Variants in MRAS observed in about 807,000 individuals in gnomAD.
MRAS encodes the protein muscle RAS oncogene homolog.
In MRAS, 4 loss-of-function variants were observed where a neutral mutation model predicts 20.9. The observed-to-expected ratio is 0.19, with a 90% CI of 0.09 to 0.44. MRAS has a LOEUF of 0.44. MRAS is among the 20% of genes least tolerant of loss of function. The probability of loss-of-function intolerance (pLI) is 0.99; values close to 1 mark genes in which losing one functional copy is unlikely to be tolerated. For synonymous variants in MRAS, 98 were observed against 102.9 expected (o/e 0.95, Z 0.29); for missense variants, 154 against 277.5 (o/e 0.56, Z 3.16).
At chr3:138,392,524 G>A (rs140212957) in intron 2 of MRAS, among the ~76,000 whole-genome samples, 17 of 152,186 alleles carry the variant, frequency 1.1e-4, no homozygotes, top group Admixed American at 6.5e-4. Flanking sequence ...GTCCACATAC[G>A]TGTTTAAGCA....
At position 138,393,716 on chromosome 3, in the gene MRAS, C is replaced by G. The variant is rs1347479865; in HGVS notation, c.194-3608C>G. 2.0e-5 allele frequency among the ~76,000 whole-genome samples: 3 copies of G among 151,326 alleles called. No homozygotes were observed. In the East Asian group the frequency reaches 5.8e-4, roughly 29 times the overall value. On this transcript the variant is annotated intron_variant, in intron 2 of 5. Coordinates refer to ENST00000423968, the MANE Select transcript of MRAS (RefSeq NM_001085049.3). Reference sequence around the variant, plus strand: ...TTTTTCTTTTTTTTTTGAGACAGAGCTTCGCTCTTGTTGCCTAGGCTGGAG... The same window carrying G: ...TTTTTCTTTTTTTTTTGAGACAGAGGTTCGCTCTTGTTGCCTAGGCTGGAG...
intron 1 of MRAS, among the ~76,000 whole-genome samples, chr3:138,354,378 C>T (rs2054288475): frequency 6.6e-6 from 1 of 152,230 alleles, no homozygotes; most frequent in African/African-American, 2.4e-5. Flanking sequence ...GACCACTCAT[C>T]CTTTGCCCTG....
At chr3:138,396,620 G>A (rs142009758) in intron 2 of MRAS, among the ~76,000 whole-genome samples, 43 of 152,340 alleles carry the variant, frequency 2.8e-4, no homozygotes, top group Middle Eastern at 3.4e-3. Context: ...GAAGGAGGCT[G>A]GAGGAAGGTG....
chr3:138,387,106 A>G (rs1431213826), intron 2 of MRAS, among the ~76,000 whole-genome samples: 1 of 152,138 alleles, frequency 6.6e-6, no homozygotes, highest in African/African-American at 2.4e-5. Context: ...TGAGAGTGCA[A>G]GCTTGGCAAA....
intron 2 of MRAS, among the ~76,000 whole-genome samples, chr3:138,374,238 A>AT (rs2054736427): frequency 6.6e-6 from 1 of 152,114 alleles, no homozygotes; most frequent in Admixed American, 6.5e-5. Flanking sequence ...AACTGCTGGG[A>AT]TTACAGGCAT....
At chr3:138,394,730 A>G (rs776084627) in intron 2 of MRAS, among the ~76,000 whole-genome samples, 43 of 152,268 alleles carry the variant, frequency 2.8e-4, no homozygotes, top group Non-Finnish European at 2.5e-4. Flanking sequence ...ATCTGGGATC[A>G]CTATTCCCCT....
In MRAS at chr3:138,405,450, G is replaced by T. The variant is rs1259451678; in HGVS notation, c.*3181G>T. ...TGTCGTGAAACGAGTGATGCCTGAA[G>T]ATCTCAGTGATGTTTGAACCTTCTG... On this transcript the variant is annotated 3_prime_UTR_variant, in exon 6 of 6. Transcript: ENST00000423968. 1 of 152,706 alleles carries T rather than the reference G, an allele frequency of 6.5e-6. No homozygotes were observed. The highest frequency in any genetic ancestry group is 1.5e-5 in the Non-Finnish European group (1 of 68,058). 9.5% of individuals were successfully genotyped at this position (152,706 alleles called of 1,614,324 possible).
intron 2 of MRAS, among the ~76,000 whole-genome samples, chr3:138,394,737 C>A (rs1288542903): frequency 6.6e-6 from 1 of 152,184 alleles, no homozygotes; most frequent in Non-Finnish European, 1.5e-5. Flanking sequence ...ATCACTATTC[C>A]CCTAGACGCT....
At chr3:138,397,501 G>A (rs763014668) in intron 3 of MRAS, 24 bp downstream of exon 3, 16 of 1,613,002 alleles carry the variant, frequency 9.9e-6, no homozygotes, top group South Asian at 1.1e-5. Flanking sequence ...ACAGGTGAGA[G>A]TACCGGGAAG....
intron 2 of MRAS, among the ~76,000 whole-genome samples, chr3:138,390,976 A>G (rs2108550448): frequency 6.6e-6 from 1 of 152,376 alleles, no homozygotes; most frequent in Admixed American, 6.5e-5. Context: ...AGCTGTATCC[A>G]TAGTCAGAGG....
chr3:138,362,442 C>A (rs1340893547), intron 1 of MRAS, among the ~76,000 whole-genome samples: 1 of 152,196 alleles, frequency 6.6e-6, no homozygotes, highest in Non-Finnish European at 1.5e-5. Context: ...ACCTGTTCCT[C>A]CGTGACCCTA....
At chr3:138,396,230 G>A (rs115247029) in intron 2 of MRAS, among the ~76,000 whole-genome samples, 5 of 152,366 alleles carry the variant, frequency 3.3e-5, no homozygotes, top group Non-Finnish European at 7.3e-5. Context: ...GCACTGCACT[G>A]AGGGCATTAC....
At chr3:138,359,800 C>T (rs929297363) in intron 1 of MRAS, among the ~76,000 whole-genome samples, 10 of 152,118 alleles carry the variant, frequency 6.6e-5, no homozygotes, top group African/African-American at 2.4e-4. Flanking sequence ...CAAGGCAGTG[C>T]GAAGAGTTGT....
intron 2 of MRAS, among the ~76,000 whole-genome samples, chr3:138,376,205 C>T (rs143930642): frequency 6.8e-4 from 104 of 152,278 alleles, no homozygotes; most frequent in African/African-American, 2.3e-3. Context: ...TTCTCTCTGC[C>T]TAGAACATTG....
intron 1 of MRAS, among the ~76,000 whole-genome samples, chr3:138,352,670 C>A (rs2054251437): frequency 6.6e-6 from 1 of 152,066 alleles, no homozygotes; most frequent in South Asian, 2.1e-4. Flanking sequence ...GGGGTATAGT[C>A]CTCGCATCAG....
At position 138,402,839 on chromosome 3, in the gene MRAS, C is replaced by T. The variant is rs1042342770; in HGVS notation, c.*570C>T. On this transcript the variant is annotated 3_prime_UTR_variant, in exon 6 of 6. Coordinates refer to ENST00000423968, the MANE Select transcript of MRAS (RefSeq NM_001085049.3). ...TTGTTTTTTAACCGAGTTTTCCCAT[C>T]AGTGCCAAAACTCAACTCAATCTGA... 8.5e-5 allele frequency: 13 copies of T among 152,616 alleles called. No homozygotes were observed. The highest frequency in any genetic ancestry group is 3.1e-4 in the African/African-American group (13 of 41,436). 9.5% of individuals were successfully genotyped at this position (152,616 alleles called of 1,614,324 possible).
intron 2 of MRAS, among the ~76,000 whole-genome samples, chr3:138,379,671 T>C (rs1335612168): frequency 6.6e-6 from 1 of 152,240 alleles, no homozygotes; most frequent in African/African-American, 2.4e-5. Context: ...TTCTTTGTTA[T>C]GGATGAATAA....
chr3:138,379,070 A>G (rs1032481501), intron 2 of MRAS, among the ~76,000 whole-genome samples: 1 of 152,174 alleles, frequency 6.6e-6, no homozygotes, highest in East Asian at 1.9e-4. Context: ...TGAAATTTGC[A>G]ATGAATTATT....
intron 1 of MRAS, among the ~76,000 whole-genome samples, chr3:138,370,998 T>C (rs773705301): frequency 6.6e-6 from 1 of 152,222 alleles, no homozygotes; most frequent in South Asian, 2.1e-4. Flanking sequence ...CTCCATTATA[T>C]GGATAAACTT....
Sources: allele counts gnomAD v4.1 joint callset (sites outside exome capture counted in the v4.1 genomes callset), GRCh38; gene constraint gnomAD v4.1.1; transcripts MANE v1.5; gene names NCBI Gene and HGNC (gene_info 2026-07-23, HGNC 2026-07-21).